The following PRXL2C variants were observed in gnomAD, a reference collection of about 807,000 sequenced individuals.
The protein encoded by PRXL2C is peroxiredoxin like 2C.
In PRXL2C, 38 loss-of-function variants were observed where a neutral mutation model predicts 24.9. The ratio of observed to expected loss-of-function variants is 1.53; its 90% CI spans 1.18 to 2.00. The LOEUF (loss-of-function observed/expected upper bound fraction) is 2.00, where lower values mean the gene tolerates loss of function less well. Ranked by LOEUF, PRXL2C falls within the 30% of genes most tolerant of loss-of-function variation. The pLI, the probability that PRXL2C is intolerant of heterozygous loss-of-function variation, is 0.00. For missense variants in PRXL2C, 294 were observed against 290.9 expected (o/e 1.01, Z -0.08); for synonymous variants, 98 against 117.2 (o/e 0.84, Z 1.06).
intron 1 of PRXL2C, 156 bp downstream of exon 1, chr9:96,654,934 C>T: frequency 5.9e-6 from 7 of 1,192,260 alleles, no homozygotes; most frequent in Non-Finnish European, 5.5e-6. Context: ...GCCTCGCCCT[C>T]GCCCTCTCCC....
At chr9:96,646,472 C>T (rs1341543113) in intron 4 of PRXL2C, among the ~76,000 whole-genome samples, 1 of 152,248 alleles carries the variant, frequency 6.6e-6, no homozygotes, top group East Asian at 1.9e-4. Context: ...TAATAGGCAG[C>T]TACAGTCCTT....
intron 4 of PRXL2C, among the ~76,000 whole-genome samples, chr9:96,648,194 C>T (rs1848220982): frequency 6.6e-6 from 1 of 152,186 alleles, no homozygotes; most frequent in Non-Finnish European, 1.5e-5. Flanking sequence ...TGAGCCACGA[C>T]ACCCAGCCCA....
intron 1 of PRXL2C, 131 bp from the exon 2 acceptor site, chr9:96,654,904 G>A (rs796147644): frequency 1.3e-4 from 156 of 1,194,516 alleles, no homozygotes; most frequent in African/African-American, 1.3e-3. Flanking sequence ...CGGCTCGGGC[G>A]CCCGGCGCGT....
At chr9:96,651,244 C>T (rs771068552) in intron 4 of PRXL2C, 146 bp downstream of exon 4, 4 of 622,184 alleles carry the variant, frequency 6.4e-6, no homozygotes, top group Non-Finnish European at 1.1e-5. Context: ...CACCACTGCA[C>T]TCCTGCCCCA....
chr9:96,649,370 G>A (rs1254895217), intron 4 of PRXL2C, among the ~76,000 whole-genome samples: 5 of 148,024 alleles, frequency 3.4e-5, no homozygotes, highest in African/African-American at 1.3e-4. Context: ...TTCAAGACCA[G>A]CCTGACCAAC....
At chr9:96,648,778 A>C (rs892620811) in intron 4 of PRXL2C, among the ~76,000 whole-genome samples, 2 of 152,042 alleles carry the variant, frequency 1.3e-5, no homozygotes, top group Non-Finnish European at 2.9e-5. Flanking sequence ...TAAAGTGCTA[A>C]ATTTTTTTTT....
In PRXL2C at chr9:96,651,356, C is replaced by G. The variant is rs373530738; in HGVS notation, c.421+34G>C. 90 of 1,403,520 alleles carry G rather than the reference C, an allele frequency of 6.4e-5. No individual in the cohort carries two copies. In the African/African-American group the frequency reaches 1.2e-3, roughly 19 times the overall value. The allele number at this position is 1,403,520 out of a possible 1,614,324, so 86.9% of individuals were successfully genotyped here. ...ATACACAAATATGAACATACACCAC[C>G]AGTGTTTTCTATTTGAGACATGTTA... On this transcript the variant is annotated intron_variant, in intron 4 of 5. Coordinates refer to ENST00000375234, the MANE Select transcript of PRXL2C (RefSeq NM_153698.2).
chr9:96,646,018 C>T lies in PRXL2C; in HGVS notation c.428G>A (p.Ser143Asn). The change falls in exon 5 of 6, where the codon AGC becomes AAC. Residue 143 changes from serine (S) to asparagine (N), a missense_variant. Ser to Asn is a conservative substitution (Grantham distance 46). Transcript: ENST00000375234. ...RGEEIASSGQ[S>N]PHIKSNLLSG... ...GAGTAGATTTGATTTTATGTGGGGGCTCTGTCCTGAAATGTCGAAAATTGT... is the reference window on the plus strand; with the variant it reads ...GAGTAGATTTGATTTTATGTGGGGGTTCTGTCCTGAAATGTCGAAAATTGT... 2 of 1,609,238 alleles carry T rather than the reference C, an allele frequency of 1.2e-6. No individual in the cohort carries two copies. Among genetic ancestry groups the T allele is most frequent in the African/African-American group, 1.3e-5 (1 of 74,676 alleles).
At chr9:96,650,369 C>G (rs1489933015) in intron 4 of PRXL2C, among the ~76,000 whole-genome samples, 1 of 152,162 alleles carries the variant, frequency 6.6e-6, no homozygotes, top group African/African-American at 2.4e-5. Context: ...CAAACACACA[C>G]AAGCAGTACA....
intron 4 of PRXL2C, among the ~76,000 whole-genome samples, chr9:96,650,800 T>A (rs780540337): frequency 1.3e-5 from 2 of 152,188 alleles, no homozygotes; most frequent in Non-Finnish European, 2.9e-5. Context: ...TAAAACCTAT[T>A]TCATCATGTG....
intron 4 of PRXL2C, among the ~76,000 whole-genome samples, chr9:96,646,564 T>C (rs557171275): frequency 1.3e-5 from 2 of 152,324 alleles, no homozygotes; most frequent in East Asian, 3.9e-4. Flanking sequence ...GAAGTATATT[T>C]TCCAGTCTTA....
chr9:96,654,347 C>T (rs1049792913), intron 2 of PRXL2C, among the ~76,000 whole-genome samples: 28 of 152,086 alleles, frequency 1.8e-4, no homozygotes, highest in African/African-American at 6.3e-4. Flanking sequence ...TGCACCTTTA[C>T]GATATATTAG....
intron 5 of PRXL2C, among the ~76,000 whole-genome samples, chr9:96,644,993 G>A (rs531676320): frequency 8.6e-5 from 11 of 128,324 alleles, no homozygotes; most frequent in South Asian, 5.6e-4. Flanking sequence ...TGCAAGCTCC[G>A]CCTCCCAGGT....
At chr9:96,653,238 AAGAAG>A (rs1564410557) in intron 2 of PRXL2C, among the ~76,000 whole-genome samples, 1 of 147,222 alleles carries the variant, frequency 6.8e-6, no homozygotes, top group African/African-American at 2.7e-5. Flanking sequence ...AAAAAAAAAA[AAGAAG>A]AAAAGAAAAT....
intron 2 of PRXL2C, 42 bp downstream of exon 2, chr9:96,654,662 TC>T: frequency 6.5e-7 from 1 of 1,534,152 alleles, no homozygotes; most frequent in East Asian, 2.5e-5. Flanking sequence ...GCTCGCAAGG[TC>T]TGCAGAAGCG....
At chr9:96,644,881 CTTTTTTTT>C (rs530343244) in intron 5 of PRXL2C, among the ~76,000 whole-genome samples, 4,126 of 36,754 alleles carry the variant, frequency 0.11, 421 homozygotes, top group African/African-American at 0.24. Flanking sequence ...TACATGGATT[CTTTTTTTT>C]TTTTTTTTTT....
At chr9:96,653,226 C>CAA (rs564015906) in intron 2 of PRXL2C, among the ~76,000 whole-genome samples, 2 of 98,986 alleles carry the variant, frequency 2.0e-5, no homozygotes, top group African/African-American at 8.7e-5. Context: ...GACTCCATCT[C>CAA]AAAAAAAAAA....
chr9:96,641,946 A>T, intron 5 of PRXL2C, 60 bp from the exon 6 acceptor site: 1 of 1,347,632 alleles, frequency 7.4e-7, no homozygotes, highest in Non-Finnish European at 9.7e-7. Context: ...TTTACTGCTT[A>T]CTAAAATCAA....
At chr9:96,654,570 G>C (rs978428848) in intron 2 of PRXL2C, 135 bp downstream of exon 2, 1 of 730,210 alleles carries the variant, frequency 1.4e-6, no homozygotes, top group African/African-American at 1.8e-5. Context: ...ACTCCTTTTG[G>C]AGGGGCGAGG....
Sources: allele counts gnomAD v4.1 joint callset (sites outside exome capture counted in the v4.1 genomes callset), GRCh38; gene constraint gnomAD v4.1.1; transcripts MANE v1.5; gene names NCBI Gene and HGNC (gene_info 2026-07-23, HGNC 2026-07-21).